Variants in OR9Q1 observed in about 807,000 individuals in gnomAD.
OR9Q1 encodes olfactory receptor 9Q1.
For synonymous variants in OR9Q1, 153 were observed against 148.6 expected (o/e 1.03, Z -0.22); for missense variants, 374 against 378.8 (o/e 0.99, Z 0.11).
At chr11:58,111,542 C>G (rs766732488) in intron 2 of OR9Q1, among the ~76,000 whole-genome samples, 20 of 152,184 alleles carry the variant, frequency 1.3e-4, no homozygotes, top group Non-Finnish European at 2.6e-4. Flanking sequence ...TAATTCAAAT[C>G]TCTTCAAAAG....
Position 58,180,003 on chromosome 11 carries a change from T to G in OR9Q1, c.559T>G (p.Leu187Val). 1 of 1,614,094 alleles carries G rather than the reference T, an allele frequency of 6.2e-7. No homozygotes were observed. Among genetic ancestry groups the G allele is most frequent in the Non-Finnish European group, 8.5e-7 (1 of 1,180,012 alleles). Residue 187 changes from leucine (L) to valine (V), a missense_variant, in exon 3 of 3, where the codon TTG (leucine) becomes GTG (valine). Coordinates refer to ENST00000335397, the MANE Select transcript of OR9Q1 (RefSeq NM_001005212.4). The part of the protein sequence containing the change: ...IFCDLPPLLK[L>V]TCGESYTQEV... ...CTGTGACCTCCCTCCTCTGTTAAAG[T>G]TGACCTGTGGGGAGAGCTACACTCA...
intron 2 of OR9Q1, among the ~76,000 whole-genome samples, chr11:58,064,597 G>GT (rs1330498675): frequency 6.6e-6 from 1 of 152,110 alleles, no homozygotes; most frequent in African/African-American, 2.4e-5. Context: ...CAGGGCCAGG[G>GT]TGCTCCCCAG....
At chr11:58,096,703 C>CTT (rs371701829) in intron 2 of OR9Q1, among the ~76,000 whole-genome samples, 3,054 of 108,750 alleles carry the variant, frequency 0.028, 96 homozygotes, top group East Asian at 0.092. Flanking sequence ...GAGACAGTCT[C>CTT]TTTTTTTTTT....
chr11:58,054,940 A>C (rs1853313059), intron 1 of OR9Q1, among the ~76,000 whole-genome samples: 1 of 152,226 alleles, frequency 6.6e-6, no homozygotes, highest in African/African-American at 2.4e-5. Context: ...CAACAAGAAC[A>C]ACAAAACACA....
chr11:58,151,578 A>G (rs1412674386), intron 2 of OR9Q1, among the ~76,000 whole-genome samples: 1 of 152,170 alleles, frequency 6.6e-6, no homozygotes, highest in Non-Finnish European at 1.5e-5. Flanking sequence ...CTCTGTTGAA[A>G]GCTTGTGGGG....
At chr11:58,078,141 G>T (rs1245323610) in intron 2 of OR9Q1, 1 of 152,102 alleles carries the variant, frequency 6.6e-6, no homozygotes, top group African/African-American at 2.4e-5. Context: ...TCCAGCCTGG[G>T]TGATGGAATG....
chr11:58,167,715 C>T (rs1013840358), intron 2 of OR9Q1, among the ~76,000 whole-genome samples: 2 of 152,112 alleles, frequency 1.3e-5, no homozygotes, highest in Non-Finnish European at 2.9e-5. Context: ...GCAGGTAGTC[C>T]TTGGCTGAAA....
intron 1 of OR9Q1, among the ~76,000 whole-genome samples, chr11:58,046,428 T>C (rs1201535990): frequency 6.6e-6 from 1 of 152,250 alleles, no homozygotes; most frequent in Non-Finnish European, 1.5e-5. Flanking sequence ...ATACCAGTTA[T>C]AGTCATTTTC....
At position 58,037,894 on chromosome 11, in the gene OR9Q1, G is replaced by GTAT. The variant is rs1175173024; in HGVS notation, c.-93+13791_-93+13792insATT. 1.8e-3 allele frequency among the ~76,000 whole-genome samples: 176 copies of GTAT among 97,802 alleles called. 2 individuals carry two copies. In the Middle Eastern group the frequency reaches 0.024, roughly 13 times the overall value. 64.2% of individuals were successfully genotyped at this position (97,802 alleles called of 152,430 possible). ...CCACCACGCCTGGCTAATTTTTTTT[G>GTAT]TTTTTTTTTTTTTTTTTTAGTAGAG... On this transcript the variant is annotated intron_variant, in intron 1 of 2. Coordinates refer to ENST00000335397, the MANE Select transcript of OR9Q1 (RefSeq NM_001005212.4).
At chr11:58,095,218 G>T (rs1011148189) in intron 2 of OR9Q1, among the ~76,000 whole-genome samples, 5 of 152,172 alleles carry the variant, frequency 3.3e-5, no homozygotes, top group Non-Finnish European at 7.3e-5. Flanking sequence ...ATACCTAAAA[G>T]CCTGCCAATG....
chr11:58,063,519 A>T (rs1414314790), intron 2 of OR9Q1, among the ~76,000 whole-genome samples: 1 of 152,166 alleles, frequency 6.6e-6, no homozygotes, highest in Non-Finnish European at 1.5e-5. Flanking sequence ...TTATTATTAG[A>T]GTTACTCTCA....
intron 2 of OR9Q1, among the ~76,000 whole-genome samples, chr11:58,092,030 A>G (rs995854504): frequency 6.7e-6 from 1 of 149,650 alleles, no homozygotes; most frequent in Non-Finnish European, 1.5e-5. Flanking sequence ...TTTTGAGCCT[A>G]TGTGTTTCTT....
chr11:58,118,379 G>T (rs912004110), intron 2 of OR9Q1: 3 of 672,338 alleles, frequency 4.5e-6, no homozygotes, highest in Non-Finnish European at 5.1e-6. Flanking sequence ...TGTGTGCCTG[G>T]TGGTACCTAT....
Position 58,155,071 on chromosome 11 carries a change from G to C in OR9Q1, c.-14-24360G>C, listed in dbSNP as rs1417766508. ...TACCTATCTATCTAGATTTATTTTA[G>C]AGAATTTGGCTCATATGATTGTGGG... On this transcript the variant is annotated intron_variant, in intron 2 of 2. Coordinates refer to ENST00000335397, the MANE Select transcript of OR9Q1 (RefSeq NM_001005212.4). 2.0e-5 allele frequency among the ~76,000 whole-genome samples: 3 copies of C among 152,092 alleles called. No individual in the cohort carries two copies. In the East Asian group the frequency reaches 5.8e-4, roughly 29 times the overall value.
chr11:58,037,563 G>A (rs968797493), intron 1 of OR9Q1, among the ~76,000 whole-genome samples: 5 of 148,408 alleles, frequency 3.4e-5, no homozygotes, highest in Non-Finnish European at 7.4e-5. Flanking sequence ...CCAACACAGG[G>A]AATGTTTTCT....
chr11:58,089,725 T>G (rs1289785609), intron 2 of OR9Q1, among the ~76,000 whole-genome samples: 2 of 151,934 alleles, frequency 1.3e-5, no homozygotes, highest in Non-Finnish European at 2.9e-5. Flanking sequence ...TAGCACTGAA[T>G]CTATAAATTA....
intron 2 of OR9Q1, among the ~76,000 whole-genome samples, chr11:58,064,504 A>G (rs1853409709): frequency 6.6e-6 from 1 of 152,136 alleles, no homozygotes; most frequent in South Asian, 2.1e-4. Context: ...TGACTCCAGG[A>G]AGGTCATCCC....
chr11:58,124,612 C>T (rs999326678), intron 2 of OR9Q1: 6 of 152,258 alleles, frequency 3.9e-5, no homozygotes, highest in Admixed American at 2.0e-4. Flanking sequence ...AGATGCTAAG[C>T]ACTTTAAAGG....
chr11:58,063,220 T>C (rs1211952650), intron 2 of OR9Q1, among the ~76,000 whole-genome samples: 2 of 152,182 alleles, frequency 1.3e-5, no homozygotes, highest in African/African-American at 4.8e-5. Context: ...AAAATACTAT[T>C]TATTAGCTAT....
Sources: allele counts gnomAD v4.1 joint callset (sites outside exome capture counted in the v4.1 genomes callset), GRCh38; gene constraint gnomAD v4.1.1; transcripts MANE v1.5; gene names NCBI Gene and HGNC (gene_info 2026-07-23, HGNC 2026-07-21).